Variants in LRRC7 observed in about 807,000 individuals in gnomAD.
LRRC7 encodes leucine-rich repeat-containing protein 7.
A neutral mutation model predicts 175.7 loss-of-function variants in LRRC7; 23 were observed. The ratio of observed to expected loss-of-function variants is 0.13; its 90% CI spans 0.09 to 0.19. The LOEUF (loss-of-function observed/expected upper bound fraction) is 0.19, where lower values mean the gene tolerates loss of function less well. Ranked by LOEUF, LRRC7 falls within the 10% of genes least tolerant of loss-of-function variation. The pLI is 1.00. For synonymous variants in LRRC7, 685 were observed against 680.9 expected, an observed-to-expected ratio of 1.01 and a Z score of -0.09; for missense variants, 1,354 against 1,904.7, an observed-to-expected ratio of 0.71 and a Z score of 5.38.
intron 2 of LRRC7, among the ~76,000 whole-genome samples, chr1:69,731,235 G>A (rs1360840740): frequency 6.6e-6 from 1 of 152,092 alleles, no homozygotes; most frequent in Admixed American, 6.5e-5. Flanking sequence ...CTGGGAGGCT[G>A]AGCTTGCAGT....
intron 1 of LRRC7, among the ~76,000 whole-genome samples, chr1:69,603,890 T>C (rs565393438): frequency 1.4e-4 from 21 of 152,238 alleles, no homozygotes; most frequent in African/African-American, 4.8e-4. Context: ...GCCTTTTTCT[T>C]CCTTTATTCT....
Position 69,751,218 on chromosome 1 carries a change from T to G in LRRC7, c.101-8973T>G, listed in dbSNP as rs576868978. On this transcript the variant is annotated intron_variant, in intron 2 of 26. Transcript: ENST00000651989. ...TAAATAACTTTTTATTTGATGCTCA[T>G]CTCTCTTACTATCCAATAAATTCAG... 2.6e-5 allele frequency among the ~76,000 whole-genome samples: 4 copies of G among 152,214 alleles called. No homozygotes were observed. The South Asian group carries it at 6.2e-4, about 24-fold the overall frequency.
intron 1 of LRRC7, among the ~76,000 whole-genome samples, chr1:69,574,846 A>C (rs895327035): frequency 6.6e-5 from 10 of 152,170 alleles, no homozygotes; most frequent in Admixed American, 2.6e-4. Context: ...GACATGAAAA[A>C]AATTTCTTCC....
intron 1 of LRRC7, among the ~76,000 whole-genome samples, chr1:69,589,867 T>C (rs1382839472): frequency 6.6e-6 from 1 of 152,202 alleles, no homozygotes; most frequent in Non-Finnish European, 1.5e-5. Context: ...TTCTCCTAGC[T>C]TGATACATAA....
rs574994200 is a variant in LRRC7 at position 69,602,791 on chromosome 1, T to C, written c.2+34150T>C. 2.8e-4 allele frequency among the ~76,000 whole-genome samples: 43 copies of C among 152,346 alleles called. 2 individuals carry two copies. In the South Asian group the frequency reaches 4.6e-3, roughly 16 times the overall value. ...TAATGATGTTCAGGTTAGCAACTTA[T>C]GGCATACACAGCAGTGATCCCATAA... On this transcript the variant is annotated intron_variant, in intron 1 of 26. Coordinates refer to ENST00000651989, the MANE Select transcript of LRRC7 (RefSeq NM_001370785.2).
intron 12 of LRRC7, 115 bp from the exon 13 acceptor site, chr1:70,012,859 A>G (rs575192642): frequency 4.3e-5 from 19 of 436,810 alleles, no homozygotes; most frequent in African/African-American, 3.6e-4. Flanking sequence ...AACAATGCAC[A>G]TGTTAAAAGT....
chr1:70,055,895 T>C lies in LRRC7; in HGVS notation c.4230+2750T>C, dbSNP rs534073550. On this transcript the variant is annotated intron_variant, in intron 23 of 26. Transcript: ENST00000651989. ...ATAGATCCAATATCATGATAAATAT[T>C]AGAACCAAAACAATCTTGTGATTGG... 2.6e-5 allele frequency among the ~76,000 whole-genome samples: 4 copies of C among 152,268 alleles called. No individual in the cohort carries two copies. The East Asian group carries it at 7.7e-4, about 29-fold the overall frequency.
chr1:69,793,957 C>T (rs763197779), intron 4 of LRRC7, among the ~76,000 whole-genome samples: 9 of 150,908 alleles, frequency 6.0e-5, no homozygotes, highest in Non-Finnish European at 1.2e-4. Flanking sequence ...GTGGATAAGA[C>T]TGACACTCTC....
intron 13 of LRRC7, among the ~76,000 whole-genome samples, chr1:70,013,513 A>G (rs1026001142): frequency 8.5e-5 from 13 of 152,124 alleles, no homozygotes; most frequent in Admixed American, 8.5e-4. Context: ...GGCAATGTGT[A>G]TATTTTCAAT....
At chr1:69,756,604 T>A (rs1670459639) in intron 2 of LRRC7, among the ~76,000 whole-genome samples, 2 of 151,800 alleles carry the variant, frequency 1.3e-5, no homozygotes, top group African/African-American at 4.8e-5. Flanking sequence ...AAATAAAAAC[T>A]TTTTTATTTA....
intron 1 of LRRC7, among the ~76,000 whole-genome samples, chr1:69,577,783 C>G (rs1646016267): frequency 6.6e-6 from 1 of 152,114 alleles, no homozygotes. Context: ...GTTACTGTAG[C>G]CTTGTAGTAT....
chr1:69,749,159 A>G (rs1273127314), intron 2 of LRRC7, among the ~76,000 whole-genome samples: 1 of 152,216 alleles, frequency 6.6e-6, no homozygotes, highest in Non-Finnish European at 1.5e-5. Context: ...AAAAATGTCA[A>G]GACAGAATGT....
At chr1:70,006,536 T>C (rs913084170) in intron 11 of LRRC7, among the ~76,000 whole-genome samples, 106 of 151,618 alleles carry the variant, frequency 7.0e-4, no homozygotes, top group Non-Finnish European at 5.9e-5. Context: ...TTATCAACAC[T>C]CAACACAGAC....
chr1:69,693,430 G>A (rs1193837793), intron 2 of LRRC7, among the ~76,000 whole-genome samples: 2 of 152,148 alleles, frequency 1.3e-5, no homozygotes, highest in African/African-American at 2.4e-5. Context: ...TTGGAGACAG[G>A]CAAGTCCAAA....
intron 1 of LRRC7, among the ~76,000 whole-genome samples, chr1:69,595,059 A>C (rs1209074129): frequency 1.3e-5 from 2 of 151,920 alleles, no homozygotes; most frequent in Non-Finnish European, 2.9e-5. Context: ...TTCTTTAAAC[A>C]TTGAATATAG....
chr1:69,979,242 A>C (rs1653163477), intron 8 of LRRC7, among the ~76,000 whole-genome samples: 1 of 152,190 alleles, frequency 6.6e-6, no homozygotes, highest in Non-Finnish European at 1.5e-5. Context: ...CAAAGTGGTA[A>C]AAAACAAACA....
At chr1:69,681,990 A>C (rs1186268158) in intron 2 of LRRC7, among the ~76,000 whole-genome samples, 1 of 152,158 alleles carries the variant, frequency 6.6e-6, no homozygotes, top group Non-Finnish European at 1.5e-5. Context: ...CACTAGGTTG[A>C]AGTCTTATCA....
At chr1:69,838,444 T>A in intron 7 of LRRC7, 161 bp downstream of exon 7, 1 of 581,280 alleles carries the variant, frequency 1.7e-6, no homozygotes, top group Non-Finnish European at 3.1e-6. Context: ...AGATTCATAT[T>A]ACATGAGAAT....
chr1:69,822,571 G>A (rs757465389), intron 4 of LRRC7, among the ~76,000 whole-genome samples: 54 of 152,166 alleles, frequency 3.5e-4, no homozygotes, highest in Non-Finnish European at 6.0e-4. Context: ...GATGCCCTCA[G>A]TATTCTAAGT....
Sources: gnomAD v4.1 joint callset for allele counts (sites outside exome capture counted in the v4.1 genomes callset) on GRCh38, gnomAD v4.1.1 for gene constraint, MANE v1.5 for transcripts, NCBI Gene and HGNC (gene_info 2026-07-23, HGNC 2026-07-21) for gene names.